The following PXDN variants were observed in gnomAD, a reference collection of about 807,000 sequenced individuals.
The protein encoded by PXDN is peroxidasin.
Under a neutral mutation model 140.3 loss-of-function variants are expected in PXDN, and 77 were observed. The observed-to-expected ratio is 0.55, with a 90% CI of 0.46 to 0.66. The LOEUF is 0.66. Among genes scored for constraint, PXDN ranks in the 30% least tolerant of loss-of-function variants. PXDN has a pLI of 0.00. For missense variants in PXDN, 1,838 were observed against 2,039.5 expected, an observed-to-expected ratio of 0.90 and a Z score of 1.90; for synonymous variants, 911 against 857.4, an observed-to-expected ratio of 1.06 and a Z score of -1.09.
In PXDN at chr2:1,633,013, A is replaced by G. The variant is rs1682450893; in HGVS notation, c.*1191T>C. ...AATGGAAGGTTTTGGTCAATTAAAG[A>G]GAGACCATGAGGTATGAGAGTTGAT... On this transcript the variant is annotated 3_prime_UTR_variant, in exon 23 of 23. Transcript: ENST00000252804. 6.6e-6 allele frequency: 1 copy of G among 152,610 alleles called. No homozygotes were observed. Among genetic ancestry groups the G allele is most frequent in the African/African-American group, 2.4e-5 (1 of 41,428 alleles). 9.5% of individuals were successfully genotyped at this position (152,610 alleles called of 1,614,324 possible). A position where few individuals can be genotyped will look rare whatever the true frequency, so the allele number is the denominator to read the frequency against.
In PXDN at chr2:1,633,010, AAG is replaced by A. The variant is rs1262735912; in HGVS notation, c.*1192_*1193del. On this transcript the variant is annotated 3_prime_UTR_variant, in exon 23 of 23. Coordinates refer to ENST00000252804, the MANE Select transcript of PXDN (RefSeq NM_012293.3). ...AAAAATGGAAGGTTTTGGTCAATTA[AAG>A]AGAGACCATGAGGTATGAGAGTTGA... is the stretch of plus-strand genomic sequence containing the variant. 6 of 152,584 alleles carry A rather than the reference AAG, an allele frequency of 3.9e-5. No individual in the cohort carries two copies. The highest frequency in any genetic ancestry group is 1.4e-4 in the African/African-American group (6 of 41,426). The allele number at this position is 152,584 out of a possible 1,614,324, so 9.5% of individuals were successfully genotyped here. A position where few individuals can be genotyped will look rare whatever the true frequency, so the allele number is the denominator to read the frequency against.
chr2:1,668,687 A>G (rs757756932), intron 9 of PXDN, among the ~76,000 whole-genome samples: 10 of 152,184 alleles, frequency 6.6e-5, no homozygotes, highest in Non-Finnish European at 1.0e-4. Flanking sequence ...GCCAACAAAC[A>G]TATGAAAAAA....
chr2:1,710,688 T>C (rs1291166451), intron 1 of PXDN, among the ~76,000 whole-genome samples: 11 of 117,210 alleles, frequency 9.4e-5, no homozygotes, highest in African/African-American at 3.6e-4. Flanking sequence ...GCACCCACTC[T>C]ATGAACACCC....
intron 1 of PXDN, among the ~76,000 whole-genome samples, chr2:1,702,268 C>A (rs559183203): frequency 6.6e-6 from 1 of 152,164 alleles, no homozygotes; most frequent in Non-Finnish European, 1.5e-5. Context: ...GAATTGGGGT[C>A]CTGCCCATCC....
intron 3 of PXDN, 60 bp downstream of exon 3, chr2:1,691,868 T>C: frequency 2.7e-6 from 3 of 1,117,052 alleles, no homozygotes; most frequent in Middle Eastern, 2.5e-4. Context: ...AATTTAGCTC[T>C]ATTTTTAAGT....
At chr2:1,702,526 T>C (rs1684459195) in intron 1 of PXDN, among the ~76,000 whole-genome samples, 1 of 152,208 alleles carries the variant, frequency 6.6e-6, no homozygotes, top group South Asian at 2.1e-4. Context: ...TTTAGAAAGT[T>C]TGTTTTGCCA....
intron 1 of PXDN, among the ~76,000 whole-genome samples, chr2:1,732,505 C>T (rs562240323): frequency 1.3e-5 from 2 of 152,324 alleles, no homozygotes; most frequent in South Asian, 4.1e-4. Context: ...CTGAAAACCT[C>T]ATGATTCACA....
chr2:1,739,814 C>T (rs575677455), intron 1 of PXDN, among the ~76,000 whole-genome samples: 2 of 152,364 alleles, frequency 1.3e-5, no homozygotes, highest in South Asian at 4.1e-4. Flanking sequence ...CGCCCACCAC[C>T]TTGCAAAGAT....
chr2:1,661,312 A>G (rs1572137083), intron 13 of PXDN, among the ~76,000 whole-genome samples: 2 of 152,202 alleles, frequency 1.3e-5, no homozygotes, highest in East Asian at 3.9e-4. Flanking sequence ...TGAGGAGAAG[A>G]GGCACCAATG....
chr2:1,699,999 G>T (rs2125456325), intron 1 of PXDN, among the ~76,000 whole-genome samples: 1 of 152,200 alleles, frequency 6.6e-6, no homozygotes, highest in Admixed American at 6.5e-5. Context: ...CATTGCAGAG[G>T]TGAATTGTCT....
intron 1 of PXDN, among the ~76,000 whole-genome samples, chr2:1,711,032 CACCAGCATCCACTCT>C (rs1684759255): frequency 1.5e-5 from 1 of 65,922 alleles, no homozygotes; most frequent in Non-Finnish European, 3.2e-5. Flanking sequence ...GCACCCACTC[CACCAGCATCCACTCT>C]ACCAGCACCC....
rs61731247 is a variant in PXDN at position 1,644,740 on chromosome 2, C to T, written c.3621G>A (p.Ser1207=). The T allele has an allele frequency of 9.7e-6, 15 of 1,551,722 alleles. No homozygotes were observed. The highest frequency in any genetic ancestry group is 2.4e-5 in the South Asian group (2 of 82,098). ...CCGGAAACAGGTCGATGTTGAGTGT[C>T]GAGCCATACAACCTAAAAAATAAAG... ...IREKLKRLYG[S]TLNIDLFPAL... Residue 1207 remains serine (S), a synonymous_variant, in exon 18 of 23, where the codon TCG becomes TCA. Coordinates refer to ENST00000252804, the MANE Select transcript of PXDN (RefSeq NM_012293.3).
At chr2:1,644,800 G>T in intron 17 of PXDN, 48 bp from the exon 18 acceptor site, 1 of 1,354,710 alleles carries the variant, frequency 7.4e-7, no homozygotes, top group Non-Finnish European at 9.6e-7. Context: ...AGCTGCACGT[G>T]GTAAAAAATA....
intron 1 of PXDN, among the ~76,000 whole-genome samples, chr2:1,728,153 G>A (rs1157151776): frequency 6.6e-6 from 1 of 152,192 alleles, no homozygotes; most frequent in Non-Finnish European, 1.5e-5. Flanking sequence ...GCCCAGGCTG[G>A]TCTCTAAATC....
chr2:1,635,619 A>C, intron 21 of PXDN, 98 bp from the exon 22 acceptor site: 1 of 900,196 alleles, frequency 1.1e-6, no homozygotes, highest in Admixed American at 2.0e-5. Context: ...TAATGCCTTA[A>C]AATAAACAAC....
chr2:1,681,389 T>C (rs753430910), intron 6 of PXDN, among the ~76,000 whole-genome samples: 4 of 152,020 alleles, frequency 2.6e-5, no homozygotes, highest in South Asian at 2.1e-4. Context: ...TTTGTGGCCA[T>C]GTAACAAGGA....
chr2:1,680,475 G>C, intron 6 of PXDN, 113 bp from the exon 7 acceptor site: 3 of 1,318,850 alleles, frequency 2.3e-6, no homozygotes, highest in East Asian at 4.8e-5. Flanking sequence ...GGCCTGCCAG[G>C]CTTGCGACAT....
rs373245706 is a variant in PXDN, at chr2:1,680,177, G to A, written c.730+16C>T. 126 of 1,544,340 alleles carry A rather than the reference G, an allele frequency of 8.2e-5. No individual in the cohort carries two copies. The African/African-American group carries it at 1.0e-3, about 12-fold the overall frequency. ...GTGTGAGTGTGTGGATGGTGTGTGCGTGTCGGGCCACTCACCACAGTTCAG... is the reference window on the plus strand; with the variant it reads ...GTGTGAGTGTGTGGATGGTGTGTGCATGTCGGGCCACTCACCACAGTTCAG... On this transcript the variant is annotated intron_variant, in intron 7 of 22. Coordinates refer to ENST00000252804, the MANE Select transcript of PXDN (RefSeq NM_012293.3).
At chr2:1,656,331 C>T (rs1683132399) in intron 14 of PXDN, among the ~76,000 whole-genome samples, 1 of 152,222 alleles carries the variant, frequency 6.6e-6, no homozygotes, top group Admixed American at 6.5e-5. Flanking sequence ...ATGAAAACAG[C>T]TCTAACCATC....
Sources: gnomAD v4.1 joint callset for allele counts (sites outside exome capture counted in the v4.1 genomes callset) on GRCh38, gnomAD v4.1.1 for gene constraint, MANE v1.5 for transcripts, NCBI Gene and HGNC (gene_info 2026-07-23, HGNC 2026-07-21) for gene names.